Variants in CDH18 observed in about 807,000 individuals in gnomAD.
The protein encoded by CDH18 is cadherin-18.
CDH18 carries 31 observed loss-of-function variants against 67.9 expected under a neutral mutation model. The ratio of observed to expected loss-of-function variants is 0.46; its 90% CI spans 0.34 to 0.62. The LOEUF is 0.62. Among genes scored for constraint, CDH18 ranks in the 20% least tolerant of loss-of-function variants. The probability of loss-of-function intolerance (pLI) is 0.01; values close to 1 mark genes in which losing one functional copy is unlikely to be tolerated. For synonymous variants in CDH18, 362 were observed against 347.2 expected (o/e 1.04, Z -0.48); for missense variants, 890 against 975.5 (o/e 0.91, Z 1.17).
intron 1 of CDH18, among the ~76,000 whole-genome samples, chr5:20,321,206 A>T (rs866827026): frequency 3.3e-5 from 5 of 152,180 alleles, no homozygotes; most frequent in Middle Eastern, 3.4e-3. Flanking sequence ...TCTCCAACCA[A>T]GGAGAAGAAG....
At chr5:20,408,060 C>G (rs762029760) in intron 1 of CDH18, among the ~76,000 whole-genome samples, 1 of 151,964 alleles carries the variant, frequency 6.6e-6, no homozygotes, top group Non-Finnish European at 1.5e-5. Context: ...ATAACAATAT[C>G]AGGTTACCTC....
chr5:20,228,245 T>C lies in CDH18; in HGVS notation c.-518+27199A>G, dbSNP rs1035809400. On this transcript the variant is annotated intron_variant, in intron 2 of 14. Coordinates refer to the CDH18 transcript ENST00000507958. ...TTCTCATTCCCTTCTCCTTGAACAT[T>C]TATTTTGACTAGAAATTTTTCTCCT... is the stretch of plus-strand genomic sequence containing the variant. Among the ~76,000 whole-genome samples the C allele has an allele frequency of 2.0e-5, 3 of 152,132 alleles. No individual in the cohort carries two copies. In the South Asian group the frequency reaches 6.2e-4, roughly 31 times the overall value.
chr5:20,406,421 C>G (rs191304538), intron 1 of CDH18, among the ~76,000 whole-genome samples: 1 of 147,392 alleles, frequency 6.8e-6, no homozygotes, highest in African/African-American at 2.6e-5. Context: ...CATCACACCC[C>G]GGGGCCTGTT....
intron 4 of CDH18, among the ~76,000 whole-genome samples, chr5:19,733,451 A>ACCCAACTCT (rs1383431180): frequency 3.3e-5 from 5 of 152,126 alleles, no homozygotes; most frequent in South Asian, 2.1e-4. Context: ...AAGAGAGACA[A>ACCCAACTCT]CCCAACTCTC....
chr5:20,455,412 T>C (rs1395235076), intron 1 of CDH18, among the ~76,000 whole-genome samples: 3 of 151,982 alleles, frequency 2.0e-5, no homozygotes, highest in East Asian at 3.9e-4. Flanking sequence ...ACAGACAGAT[T>C]AGGTGATTAT....
chr5:19,837,824 T>G (rs888098085), intron 3 of CDH18, among the ~76,000 whole-genome samples: 3 of 152,138 alleles, frequency 2.0e-5, no homozygotes, highest in Non-Finnish European at 2.9e-5. Flanking sequence ...TAGAAGCCAC[T>G]GAGCCTGCAG....
chr5:20,240,658 T>C (rs572404041), intron 2 of CDH18, among the ~76,000 whole-genome samples: 2 of 152,358 alleles, frequency 1.3e-5, no homozygotes, highest in African/African-American at 4.8e-5. Context: ...CTAATTATTC[T>C]CTTTTCTTCT....
intron 2 of CDH18, among the ~76,000 whole-genome samples, chr5:20,172,377 C>A (rs1736904762): frequency 6.6e-6 from 1 of 150,594 alleles, no homozygotes; most frequent in South Asian, 2.1e-4. Flanking sequence ...TTATGCTCTT[C>A]TCATTTGCTT....
Position 19,634,511 on chromosome 5 carries a change from T to A in CDH18, c.644-21910A>T, listed in dbSNP as rs375872152. On this transcript the variant is annotated intron_variant, in intron 5 of 12. Coordinates refer to ENST00000382275, the MANE Select transcript of CDH18 (RefSeq NM_004934.5). ...AATAATGTAGTATATGCAAAGCACA[T>A]AAAAAACTGCCTAGAGAAGCACAAG... Among the ~76,000 whole-genome samples, 517 of 152,248 alleles carry A rather than the reference T, an allele frequency of 3.4e-3. 3 individuals carry two copies. Among genetic ancestry groups the A allele is most frequent in the Non-Finnish European group, 5.9e-3 (400 of 68,014 alleles).
chr5:20,445,487 G>A (rs1288870675), intron 1 of CDH18, among the ~76,000 whole-genome samples: 1 of 152,156 alleles, frequency 6.6e-6, no homozygotes, highest in Non-Finnish European at 1.5e-5. Flanking sequence ...ACTCAAAACT[G>A]TTTCAATAGA....
intron 9 of CDH18, among the ~76,000 whole-genome samples, chr5:19,525,711 G>T (rs1747657270): frequency 6.6e-6 from 1 of 152,116 alleles, no homozygotes; most frequent in African/African-American, 2.4e-5. Flanking sequence ...GGTATTTTAT[G>T]ATATGAGATA....
At position 20,503,751 on chromosome 5, in the gene CDH18, G is replaced by A. The variant is rs542364823; in HGVS notation, c.-580+71711C>T. Among the ~76,000 whole-genome samples the A allele has an allele frequency of 7.9e-5, 12 of 152,204 alleles. No homozygotes were observed. In the South Asian group the frequency reaches 2.5e-3, roughly 32 times the overall value. On this transcript the variant is annotated intron_variant, in intron 1 of 14. Transcript: ENST00000507958. ...GACATGTGCATAGGCAAGAGAAAGA[G>A]TTATGGCCAGGTGCGGTGGCTCACG...
intron 2 of CDH18, among the ~76,000 whole-genome samples, chr5:19,891,785 C>G (rs1360920187): frequency 1.2e-4 from 18 of 152,142 alleles, no homozygotes; most frequent in Non-Finnish European, 5.9e-5. Flanking sequence ...TCCCATCTCC[C>G]TATTATATAT....
intron 2 of CDH18, among the ~76,000 whole-genome samples, chr5:19,974,497 C>T (rs960515495): frequency 3.3e-5 from 4 of 121,852 alleles, no homozygotes; most frequent in South Asian, 2.7e-4. Flanking sequence ...CCAGCCTGGG[C>T]GACAGAATGA....
intron 2 of CDH18, among the ~76,000 whole-genome samples, chr5:20,123,020 TTA>T (rs991801395): frequency 6.7e-6 from 1 of 148,222 alleles, no homozygotes; most frequent in East Asian, 1.9e-4. Context: ...ATATAAGCTA[TTA>T]TATATATAAA....
At chr5:19,942,628 A>C (rs769720977) in intron 2 of CDH18, among the ~76,000 whole-genome samples, 2 of 152,092 alleles carry the variant, frequency 1.3e-5, no homozygotes, top group Non-Finnish European at 2.9e-5. Context: ...AGTCCTTCCA[A>C]ATGAATTCCA....
chr5:20,358,798 A>G (rs1741839464), intron 1 of CDH18, among the ~76,000 whole-genome samples: 1 of 152,152 alleles, frequency 6.6e-6, no homozygotes, highest in African/African-American at 2.4e-5. Flanking sequence ...GCAAAACAAA[A>G]AACAAATGTC....
intron 2 of CDH18, among the ~76,000 whole-genome samples, chr5:20,133,411 C>A (rs4432889): frequency 2.0e-5 from 3 of 152,024 alleles, no homozygotes; most frequent in Admixed American, 2.0e-4. Flanking sequence ...CACGAGAACA[C>A]CATGGGAAAA....
chr5:20,254,884 T>C (rs1744111691), intron 2 of CDH18, among the ~76,000 whole-genome samples: 1 of 136,070 alleles, frequency 7.3e-6, no homozygotes, highest in African/African-American at 2.5e-5. Context: ...TAATGAAAGA[T>C]CGGATAAAAA....
Sources: allele counts gnomAD v4.1 joint callset (sites outside exome capture counted in the v4.1 genomes callset), GRCh38; gene constraint gnomAD v4.1.1; transcripts MANE v1.5; gene names NCBI Gene and HGNC (gene_info 2026-07-23, HGNC 2026-07-21).